DCC: variants seen among roughly 807,000 people sequenced by gnomAD.
DCC encodes the protein netrin receptor DCC.
A neutral mutation model predicts 172.5 loss-of-function variants in DCC; 58 were observed. The observed-to-expected ratio is 0.34, with a 90% CI of 0.27 to 0.42. The LOEUF (loss-of-function observed/expected upper bound fraction) is 0.42, where lower values mean the gene tolerates loss of function less well. Ranked by LOEUF, DCC falls within the 10% of genes least tolerant of loss-of-function variation. The probability of loss-of-function intolerance (pLI) is 1.00; values close to 1 mark genes in which losing one functional copy is unlikely to be tolerated. For synonymous variants in DCC, 709 were observed against 644.5 expected, an observed-to-expected ratio of 1.10 and a Z score of -1.52; for missense variants, 1,740 against 1,791.0, an observed-to-expected ratio of 0.97 and a Z score of 0.51.
chr18:53,352,020 G>T (rs11872725), intron 15 of DCC, among the ~76,000 whole-genome samples: 24,169 of 151,824 alleles, frequency 0.16, 2,396 homozygotes, highest in African/African-American at 0.27. Flanking sequence ...GTAAAGACTT[G>T]ACTCATTAGT....
rs2046532563 is a variant in DCC at position 53,532,326 on chromosome 18, TAC to T, written c.*1675_*1676del. On this transcript the variant is annotated 3_prime_UTR_variant, in exon 29 of 29. Transcript: ENST00000442544. ...GAAGTAATAATTCAGTTTATTTTTT[TAC>T]AGTTTTATGTCGGGAAGGAAATCTG... The T allele has an allele frequency of 6.6e-6, 1 of 152,198 alleles. No homozygotes were observed. The allele number at this position is 152,198 out of a possible 1,614,324, so 9.4% of individuals were successfully genotyped here. A position where few individuals can be genotyped will look rare whatever the true frequency, so the allele number is the denominator to read the frequency against.
Position 52,918,300 on chromosome 18 carries a change from G to C in DCC, c.698-5407G>C, listed in dbSNP as rs528618957. 4.6e-5 allele frequency among the ~76,000 whole-genome samples: 7 copies of C among 152,128 alleles called. No individual in the cohort carries two copies. The East Asian group carries it at 7.7e-4, about 17-fold the overall frequency. Reference sequence around the variant, plus strand: ...ATGAATAGTGGTGCCCATATAACGAGAACACAAATGATTTTTAATCAGTAA... The same window carrying C: ...ATGAATAGTGGTGCCCATATAACGACAACACAAATGATTTTTAATCAGTAA... On this transcript the variant is annotated intron_variant, in intron 3 of 28. Transcript: ENST00000442544.
chr18:53,105,340 C>G (rs1482003476), intron 7 of DCC, among the ~76,000 whole-genome samples: 1 of 151,970 alleles, frequency 6.6e-6, no homozygotes, highest in African/African-American at 2.4e-5. Flanking sequence ...ACAAGGGCCA[C>G]AAGGGCTGTT....
At chr18:53,484,686 A>T (rs146116983) in intron 25 of DCC, among the ~76,000 whole-genome samples, 2 of 152,052 alleles carry the variant, frequency 1.3e-5, no homozygotes, top group African/African-American at 4.8e-5. Flanking sequence ...GGAAGAGACT[A>T]TACCTTTTTA....
At chr18:53,031,079 T>G (rs573248194) in intron 5 of DCC, among the ~76,000 whole-genome samples, 2 of 152,210 alleles carry the variant, frequency 1.3e-5, no homozygotes, top group Non-Finnish European at 2.9e-5. Flanking sequence ...GCCGACATGG[T>G]GAAACCCTAT....
chr18:52,996,811 A>AAC (rs2041488848), intron 5 of DCC, among the ~76,000 whole-genome samples: 1 of 147,202 alleles, frequency 6.8e-6, no homozygotes, highest in African/African-American at 2.5e-5. Context: ...TGAAGTTAGA[A>AAC]ACACACACAC....
intron 7 of DCC, among the ~76,000 whole-genome samples, chr18:53,091,724 A>G (rs958257390): frequency 1.3e-5 from 2 of 151,994 alleles, no homozygotes; most frequent in African/African-American, 4.8e-5. Flanking sequence ...TCACCTCCTA[A>G]TATGATCACT....
intron 1 of DCC, among the ~76,000 whole-genome samples, chr18:52,539,320 T>TA (rs2032375219): frequency 6.6e-6 from 1 of 151,132 alleles, no homozygotes; most frequent in African/African-American, 2.4e-5. Context: ...AAAAAAAAAA[T>TA]AAGCTTGATT....
At chr18:52,918,898 A>AT (rs1448096794) in intron 3 of DCC, among the ~76,000 whole-genome samples, 1 of 152,164 alleles carries the variant, frequency 6.6e-6, no homozygotes, top group Non-Finnish European at 1.5e-5. Context: ...TATTTCAGTT[A>AT]TTTTTTGCAG....
At chr18:52,503,858 A>C (rs2031123690) in intron 1 of DCC, among the ~76,000 whole-genome samples, 1 of 152,104 alleles carries the variant, frequency 6.6e-6, no homozygotes, top group Admixed American at 6.6e-5. Context: ...CTACTCAGGG[A>C]AACAGTGTTA....
In DCC at chr18:53,386,348, G is replaced by A. The variant is rs992095101; in HGVS notation, c.2455+210G>A. Among the ~76,000 whole-genome samples, 5 of 151,958 alleles carry A rather than the reference G, an allele frequency of 3.3e-5. No homozygotes were observed. The East Asian group carries it at 5.8e-4, about 18-fold the overall frequency. On this transcript the variant is annotated intron_variant, in intron 16 of 28. Transcript: ENST00000442544. ...GCATTTTTTTATTTCTTTGGTTGTC[G>A]AAATTAAGTAGGAGGAATTCAGTTT... is the stretch of plus-strand genomic sequence containing the variant.
intron 7 of DCC, among the ~76,000 whole-genome samples, chr18:53,073,513 G>A (rs899413603): frequency 4.6e-5 from 7 of 152,160 alleles, no homozygotes; most frequent in Admixed American, 4.6e-4. Flanking sequence ...GTGACAGAGC[G>A]AGACTCCGTC....
At chr18:53,528,989 C>A (rs1247401101) in intron 28 of DCC, among the ~76,000 whole-genome samples, 1 of 144,830 alleles carries the variant, frequency 6.9e-6, no homozygotes, top group Non-Finnish European at 1.5e-5. Context: ...GCCTAGTAAT[C>A]CCCTCACTTC....
chr18:53,062,935 G>C (rs2042515756), intron 5 of DCC, among the ~76,000 whole-genome samples: 1 of 152,072 alleles, frequency 6.6e-6, no homozygotes, highest in Non-Finnish European at 1.5e-5. Context: ...AGTTCCACCA[G>C]CTTCCCTTTC....
At chr18:53,177,056 A>C (rs1467917231) in intron 8 of DCC, among the ~76,000 whole-genome samples, 1 of 152,056 alleles carries the variant, frequency 6.6e-6, no homozygotes, top group Admixed American at 6.6e-5. Context: ...GGCAATCATC[A>C]TTCTCAGTAA....
At chr18:53,192,533 C>T (rs1274399371) in intron 9 of DCC, among the ~76,000 whole-genome samples, 1 of 152,018 alleles carries the variant, frequency 6.6e-6, no homozygotes. Context: ...CAGATGATCA[C>T]GAGATCTGGA....
chr18:52,365,296 C>T (rs759880706), intron 1 of DCC, among the ~76,000 whole-genome samples: 26 of 152,138 alleles, frequency 1.7e-4, no homozygotes, highest in Non-Finnish European at 3.7e-4. Flanking sequence ...TTAACTAATG[C>T]TCTCATTTAT....
chr18:52,476,707 C>G (rs531498931), intron 1 of DCC, among the ~76,000 whole-genome samples: 9 of 152,182 alleles, frequency 5.9e-5, no homozygotes, highest in African/African-American at 2.2e-4. Context: ...TCACTGTCTG[C>G]AATAGTCAGG....
intron 2 of DCC, among the ~76,000 whole-genome samples, chr18:52,830,274 T>C (rs1177318519): frequency 6.6e-6 from 1 of 151,282 alleles, no homozygotes; most frequent in Non-Finnish European, 1.5e-5. Flanking sequence ...TAAAACATTT[T>C]AGATGCTTTT....
Sources: allele counts gnomAD v4.1 joint callset (sites outside exome capture counted in the v4.1 genomes callset), GRCh38; gene constraint gnomAD v4.1.1; transcripts MANE v1.5; gene names NCBI Gene and HGNC (gene_info 2026-07-23, HGNC 2026-07-21).